The following NR1D2 variants were observed in gnomAD, a reference collection of about 807,000 sequenced individuals.
NR1D2 encodes the protein nuclear receptor subfamily 1 group D member 2.
NR1D2 carries 25 observed loss-of-function variants against 52.2 expected under a neutral mutation model. The observed-to-expected ratio is 0.48, with a 90% CI of 0.35 to 0.67. The LOEUF (loss-of-function observed/expected upper bound fraction) is 0.67, where lower values mean the gene tolerates loss of function less well. Ranked by LOEUF, NR1D2 falls within the 30% of genes least tolerant of loss-of-function variation. The pLI is 0.01. For synonymous variants in NR1D2, 259 were observed against 230.1 expected (o/e 1.13, Z -1.14); for missense variants, 681 against 707.2 (o/e 0.96, Z 0.42).
chr3:23,946,650 CAG>C (rs1366885579), intron 1 of NR1D2: 1 of 152,190 alleles, frequency 6.6e-6, no homozygotes, highest in East Asian at 1.9e-4. Flanking sequence ...CAGGATGACT[CAG>C]GTGATCATAG....
chr3:23,979,978 T>C lies in NR1D2; in HGVS notation c.*2559T>C, dbSNP rs1706836109. The C allele has an allele frequency of 6.6e-6, 1 of 152,120 alleles. No homozygotes were observed. The allele number at this position is 152,120 out of a possible 1,614,324, so 9.4% of individuals were successfully genotyped here. A position where few individuals can be genotyped will look rare whatever the true frequency, so the allele number is the denominator to read the frequency against. ...TTTTTTTTCCTGTGCTTTTAATGTA[T>C]CTCTTTACATGATCTGAGAGAGGAT... On this transcript the variant is annotated 3_prime_UTR_variant, in exon 8 of 8. Coordinates refer to ENST00000312521, the MANE Select transcript of NR1D2 (RefSeq NM_005126.5).
intron 6 of NR1D2, among the ~76,000 whole-genome samples, chr3:23,967,379 C>CT (rs896149054): frequency 4.6e-5 from 7 of 152,226 alleles, no homozygotes; most frequent in African/African-American, 7.2e-5. Context: ...CTTTGGGAGG[C>CT]TGAAGCGGGT....
chr3:23,967,746 A>G, intron 6 of NR1D2, 67 bp from the exon 7 acceptor site: 1 of 1,231,186 alleles, frequency 8.1e-7, no homozygotes, highest in South Asian at 1.4e-5. Flanking sequence ...GACTTGATTG[A>G]ATACTAAGTT....
At chr3:23,945,742 T>G in intron 1 of NR1D2, 148 bp downstream of exon 1, 6 of 536,144 alleles carry the variant, frequency 1.1e-5, no homozygotes, top group Non-Finnish European at 1.3e-5. Context: ...TCTGGCTCGG[T>G]TCCCATCGCC....
intron 1 of NR1D2, among the ~76,000 whole-genome samples, chr3:23,954,092 C>G (rs1399530242): frequency 6.6e-6 from 1 of 152,208 alleles, no homozygotes; most frequent in South Asian, 2.1e-4. Flanking sequence ...CCTTGAACTC[C>G]TGGGCTCAAG....
At chr3:23,946,737 C>T (rs556242473) in intron 1 of NR1D2, 3 of 152,198 alleles carry the variant, frequency 2.0e-5, no homozygotes, top group Non-Finnish European at 4.4e-5. Context: ...GGGTCGCTGA[C>T]TTTTCCTGAA....
intron 7 of NR1D2, 57 bp from the exon 8 acceptor site, chr3:23,977,166 T>C (rs1706750624): frequency 2.1e-6 from 2 of 969,846 alleles, no homozygotes; most frequent in Non-Finnish European, 2.8e-6. Context: ...TTTATTTATA[T>C]TTAATGTTAA....
Position 23,962,305 on chromosome 3 carries a change from G to T in NR1D2, c.846G>T (p.Gln282His), listed in dbSNP as rs573027949. ...ACTCAGCTGAGAGCATGCAGCCCCA[G>T]AGAGGAGAACGGATTCCCAAGAACA... ...QENSAESMQP[Q>H]RGERIPKNME... is the part of the protein sequence containing the mutation. The change falls in exon 5 of 8, where the codon CAG becomes CAT. Residue 282 changes from glutamine (Q) to histidine (H), a missense_variant. Transcript: ENST00000312521. 2 of 1,614,198 alleles carry T rather than the reference G, an allele frequency of 1.2e-6. No homozygotes were observed. Among genetic ancestry groups the T allele is most frequent in the South Asian group, 2.2e-5 (2 of 91,072 alleles).
At chr3:23,971,632 A>G (rs146915856) in intron 7 of NR1D2, among the ~76,000 whole-genome samples, 2 of 151,728 alleles carry the variant, frequency 1.3e-5, no homozygotes, top group African/African-American at 2.4e-5. Context: ...TTCCCTCTCA[A>G]TTTTTTTATG....
chr3:23,946,209 C>T (rs1373159714), intron 1 of NR1D2: 4 of 985,310 alleles, frequency 4.1e-6, no homozygotes, highest in Non-Finnish European at 4.8e-6. Context: ...CCGAAGCGGG[C>T]GCTGACACCG....
intron 1 of NR1D2, among the ~76,000 whole-genome samples, chr3:23,946,844 C>A (rs993088198): frequency 3.3e-5 from 5 of 152,064 alleles, no homozygotes; most frequent in Non-Finnish European, 7.3e-5. Flanking sequence ...TTTTGTCTGC[C>A]CCAAATGATG....
intron 7 of NR1D2, among the ~76,000 whole-genome samples, chr3:23,976,056 G>C (rs1218904272): frequency 6.6e-6 from 1 of 152,178 alleles, no homozygotes; most frequent in Non-Finnish European, 1.5e-5. Context: ...GCCTCCTGTT[G>C]TAAAGGGAAA....
In NR1D2 at chr3:23,978,927, A is replaced by C. The variant is rs1438000785; in HGVS notation, c.*1508A>C. 1 of 152,096 alleles carries C rather than the reference A, an allele frequency of 6.6e-6. No homozygotes were observed. The highest frequency in any genetic ancestry group is 1.5e-5 in the Non-Finnish European group (1 of 67,964). The allele number at this position is 152,096 out of a possible 1,614,324, so 9.4% of individuals were successfully genotyped here. On this transcript the variant is annotated 3_prime_UTR_variant, in exon 8 of 8. Coordinates refer to ENST00000312521, the MANE Select transcript of NR1D2 (RefSeq NM_005126.5). ...TTTATGGTAGTAGGAGAAATAGCCA[A>C]AGTTGAGGATTTTATGTATGTTTTC...
Position 23,977,594 on chromosome 3 carries a change from A to G in NR1D2, c.*175A>G. 1 of 431,198 alleles carries G rather than the reference A, an allele frequency of 2.3e-6. No individual in the cohort carries two copies. Among genetic ancestry groups the G allele is most frequent in the Non-Finnish European group, 4.1e-6 (1 of 246,420 alleles). The allele number at this position is 431,198 out of a possible 1,614,324, so 26.7% of individuals were successfully genotyped here. On this transcript the variant is annotated 3_prime_UTR_variant, in exon 8 of 8. Coordinates refer to ENST00000312521, the MANE Select transcript of NR1D2 (RefSeq NM_005126.5). The stretch of plus-strand genomic sequence containing the variant: ...TCGGATTGAGAACTCTTCAGCCATG[A>G]TTAGACGTTGACTGCATCTCCCTGA...
Sources: gnomAD v4.1 joint callset for allele counts (sites outside exome capture counted in the v4.1 genomes callset) on GRCh38, gnomAD v4.1.1 for gene constraint, MANE v1.5 for transcripts, NCBI Gene and HGNC (gene_info 2026-07-23, HGNC 2026-07-21) for gene names.